Variants in SUCO observed in about 807,000 individuals in gnomAD.
SUCO encodes the protein SUN domain-containing ossification factor.
Under a neutral mutation model 148.1 loss-of-function variants are expected in SUCO, and 57 were observed. That is an observed-to-expected ratio of 0.38 (90% CI 0.31 to 0.48). The LOEUF (loss-of-function observed/expected upper bound fraction) is 0.48. SUCO is among the 20% of genes least tolerant of loss of function. SUCO has a pLI of 0.96. For missense variants in SUCO, 1,331 were observed against 1,468.2 expected, an observed-to-expected ratio of 0.91 and a Z score of 1.53; for synonymous variants, 470 against 502.7, an observed-to-expected ratio of 0.93 and a Z score of 0.87.
chr1:172,558,411 C>A (rs564708198), intron 6 of SUCO, among the ~76,000 whole-genome samples: 50 of 152,086 alleles, frequency 3.3e-4, no homozygotes, highest in Non-Finnish European at 6.5e-4. Flanking sequence ...CTCAGGTAAG[C>A]AATAACTAAG....
chr1:172,585,737 G>C, intron 16 of SUCO, 121 bp from the exon 17 acceptor site: 1 of 629,192 alleles, frequency 1.6e-6, no homozygotes, highest in Non-Finnish European at 2.8e-6. Context: ...TTAAGAAAAA[G>C]TCTGCAGTAG....
rs1658170540 is a variant in SUCO at position 172,610,835 on chromosome 1, G to A, written c.*576G>A. On this transcript the variant is annotated 3_prime_UTR_variant, in exon 24 of 24. Transcript: ENST00000263688. ...TTTGTTTAGCAAACTCACTGGAAAT[G>A]AACACTTAATGGAATTTTTAAGTCT... The A allele has an allele frequency of 6.6e-6, 1 of 152,588 alleles. No individual in the cohort carries two copies. The highest frequency in any genetic ancestry group is 2.4e-5 in the African/African-American group (1 of 41,440). 9.5% of individuals were successfully genotyped at this position (152,588 alleles called of 1,614,324 possible).
chr1:172,584,562 C>T (rs947676796), intron 15 of SUCO, among the ~76,000 whole-genome samples: 1 of 152,070 alleles, frequency 6.6e-6, no homozygotes, highest in African/African-American at 2.4e-5. Flanking sequence ...TTCCTCAGCT[C>T]AGGAGTTTGA....
At chr1:172,574,383 G>A (rs1303512952) in intron 10 of SUCO, among the ~76,000 whole-genome samples, 1 of 151,914 alleles carries the variant, frequency 6.6e-6, no homozygotes, top group Admixed American at 6.5e-5. Context: ...TTTAAAAGTT[G>A]TTAAAAACAT....
At chr1:172,600,269 A>G in intron 20 of SUCO, 101 bp downstream of exon 20, 1 of 821,114 alleles carries the variant, frequency 1.2e-6, no homozygotes, top group East Asian at 3.1e-5. Context: ...CTTTGACCAA[A>G]CAAAATTGTC....
chr1:172,555,658 C>A (rs1018254405), intron 3 of SUCO, among the ~76,000 whole-genome samples: 21 of 151,974 alleles, frequency 1.4e-4, no homozygotes, highest in Admixed American at 1.4e-3. Context: ...TATGAAATGC[C>A]ATGAAAAATG....
At position 172,589,100 on chromosome 1, in the gene SUCO, C is replaced by T. The variant is rs775725532; in HGVS notation, c.1999C>T (p.Leu667=). 1.2e-6 allele frequency: 2 copies of T among 1,613,404 alleles called. No individual in the cohort carries two copies. Among genetic ancestry groups the T allele is most frequent in the Admixed American group, 3.3e-5 (2 of 59,912 alleles). Residue 667 remains leucine (L), a synonymous_variant, in exon 18 of 24, where the codon CTA becomes TTA. Transcript: ENST00000263688. The part of the protein sequence containing the change: ...DYLVLAQPPL[L]LPAESVDVSV... Reference sequence around the variant, plus strand: ...TCTTGTGTTAGCTCAACCACCCTTACTACTTCCTGCGGAATCAGTAGATGT... The same window carrying T: ...TCTTGTGTTAGCTCAACCACCCTTATTACTTCCTGCGGAATCAGTAGATGT...
rs374461584 is a variant in SUCO at position 172,553,382 on chromosome 1, C to A, written c.288+12C>A. 1 of 1,541,972 alleles carries A rather than the reference C, an allele frequency of 6.5e-7. No individual in the cohort carries two copies. Among genetic ancestry groups the A allele is most frequent in the South Asian group, 1.2e-5 (1 of 83,968 alleles). On this transcript the variant is annotated intron_variant, in intron 3 of 23. Transcript: ENST00000263688. ...TTGTGGATGTACAAGTAAGCTATGTCGCTTTGATTTTCAATAATATGTCAT... is the reference window on the plus strand; with the variant it reads ...TTGTGGATGTACAAGTAAGCTATGTAGCTTTGATTTTCAATAATATGTCAT...
intron 1 of SUCO, among the ~76,000 whole-genome samples, chr1:172,541,520 C>A (rs917432058): frequency 3.3e-5 from 5 of 152,148 alleles, no homozygotes; most frequent in African/African-American, 1.2e-4. Flanking sequence ...TTCATCTTGG[C>A]AGTAGAAATA....
chr1:172,571,380 G>A (rs2149246227), intron 9 of SUCO, among the ~76,000 whole-genome samples: 1 of 152,284 alleles, frequency 6.6e-6, no homozygotes, highest in Admixed American at 6.5e-5. Flanking sequence ...GCCCAGGCTG[G>A]AGTGCAGTGG....
At chr1:172,532,701 G>T, upstream of SUCO, 1 of 1,614,044 alleles carries the variant, frequency 6.2e-7, no homozygotes, top group Middle Eastern at 1.6e-4. Context: ...CAAAACCATG[G>T]ATTCTAGGAG....
intron 9 of SUCO, among the ~76,000 whole-genome samples, chr1:172,572,453 A>ATTAAGGGT (rs1655100465): frequency 6.6e-6 from 1 of 151,982 alleles, no homozygotes; most frequent in East Asian, 1.9e-4. Context: ...GGTTAAATGG[A>ATTAAGGGT]TTAAGGGTGG....
In SUCO at chr1:172,589,718, G is replaced by C; in HGVS notation, c.2617G>C (p.Glu873Gln). ...PEVKEEEQSP[E>Q]DALLRGLQRT... is the part of the protein sequence containing the mutation. The stretch of plus-strand genomic sequence containing the variant: ...AGTAAAAGAAGAAGAACAGTCTCCA[G>C]AAGATGCCCTTTTGAGAGGGTTACA... Residue 873 changes from glutamate (E) to glutamine (Q), a missense_variant, in exon 18 of 24, where the codon GAA (glutamate) becomes CAA (glutamine). This residue lies in a region of SUCO where 992 missense variants were observed against 1,093.5 expected (regional missense o/e 0.91). Transcript: ENST00000263688. 1 of 1,613,610 alleles carries C rather than the reference G, an allele frequency of 6.2e-7. No homozygotes were observed. The highest frequency in any genetic ancestry group is 8.5e-7 in the Non-Finnish European group (1 of 1,179,708).
chr1:172,590,860 C>T, intron 18 of SUCO, 124 bp from the exon 19 acceptor site: 1 of 658,696 alleles, frequency 1.5e-6, no homozygotes, highest in Non-Finnish European at 2.6e-6. Context: ...TTGCATAGGC[C>T]TGAATAAGAG....
Position 172,585,069 on chromosome 1 carries a change from C to T in SUCO, c.1550C>T (p.Thr517Ile). 6.2e-7 allele frequency: 1 copy of T among 1,605,056 alleles called. No homozygotes were observed. The change falls in exon 16 of 24, where the codon ACT becomes ATT. Residue 517 changes from threonine (T) to isoleucine (I), a missense_variant. Thr to Ile is a moderately conservative substitution (Grantham distance 89). This residue lies in a region of SUCO where 992 missense variants were observed against 1,093.5 expected (regional missense o/e 0.91). Coordinates refer to ENST00000263688, the MANE Select transcript of SUCO (RefSeq NM_014283.5). Reference protein sequence around the residue: ...NIAANILGAKTEDLTEGNKSI... With the variant: ...NIAANILGAKIEDLTEGNKSI... ...GCTGCTAATATTCTGGGAGCAAAAA[C>T]TGAAGACCTGACAGAAGGTACCTAA...
intron 1 of SUCO, among the ~76,000 whole-genome samples, chr1:172,549,620 A>C (rs1653124377): frequency 6.6e-6 from 1 of 151,974 alleles, no homozygotes; most frequent in Non-Finnish European, 1.5e-5. Flanking sequence ...TGGCACAATA[A>C]AGAATGTTTT....
At chr1:172,594,421 C>G (rs561664551) in intron 19 of SUCO, among the ~76,000 whole-genome samples, 34 of 152,218 alleles carry the variant, frequency 2.2e-4, no homozygotes, top group African/African-American at 7.9e-4. Context: ...GCATTTAGTG[C>G]TATAAATTTC....
In SUCO at chr1:172,589,531, T is replaced by C; in HGVS notation, c.2430T>C (p.Asp810=). 1.2e-6 allele frequency: 2 copies of C among 1,613,652 alleles called. No individual in the cohort carries two copies. Among genetic ancestry groups the C allele is most frequent in the Non-Finnish European group, 1.7e-6 (2 of 1,179,812 alleles). Residue 810 remains aspartate (D), a synonymous_variant, in exon 18 of 24, where the codon GAT becomes GAC. Transcript: ENST00000263688. ...NELMDNIIKE[D]VNSMQIFTKL... is the part of the protein sequence containing the mutation. ...TAATGGATAATATTATAAAAGAAGATGTGAACTCCATGCAAATTTTCACAA... is the reference window on the plus strand; with the variant it reads ...TAATGGATAATATTATAAAAGAAGACGTGAACTCCATGCAAATTTTCACAA...
chr1:172,556,103 C>G, intron 4 of SUCO, 80 bp downstream of exon 4: 2 of 1,148,484 alleles, frequency 1.7e-6, no homozygotes, highest in Non-Finnish European at 2.5e-6. Context: ...GATAAAGCAG[C>G]TTGATACTCA....
Sources: allele counts gnomAD v4.1 joint callset (sites outside exome capture counted in the v4.1 genomes callset), GRCh38; gene constraint gnomAD v4.1.1; regional missense constraint gnomAD v4.1.1; transcripts MANE v1.5; gene names NCBI Gene and HGNC (gene_info 2026-07-23, HGNC 2026-07-21).